COL28A1: variants seen among roughly 807,000 people sequenced by gnomAD.
The protein encoded by COL28A1 is collagen alpha-1(XXVIII) chain.
COL28A1 carries 161 observed loss-of-function variants against 150.2 expected under a neutral mutation model. The ratio of observed to expected loss-of-function variants is 1.07; its 90% CI spans 0.94 to 1.22. COL28A1 has a LOEUF of 1.22. Ranked by LOEUF, COL28A1 falls within the 50% of genes most tolerant of loss-of-function variation. The probability of loss-of-function intolerance (pLI) is 0.00; values close to 1 mark genes in which losing one functional copy is unlikely to be tolerated. For synonymous variants in COL28A1, 552 were observed against 469.7 expected (o/e 1.18, Z -2.26); for missense variants, 1,617 against 1,388.3 (o/e 1.16, Z -2.62).
intron 27 of COL28A1, among the ~76,000 whole-genome samples, chr7:7,403,552 C>G (rs1006613754): frequency 1.3e-5 from 2 of 152,150 alleles, no homozygotes; most frequent in East Asian, 1.9e-4. Context: ...CAATAACAGA[C>G]AGACACTTCC....
intron 15 of COL28A1, among the ~76,000 whole-genome samples, chr7:7,463,949 G>A (rs1787844743): frequency 6.6e-6 from 1 of 152,050 alleles, no homozygotes. Flanking sequence ...TTAAACTTAA[G>A]GTAAGCTGAT....
chr7:7,366,246 T>C (rs1020435069), intron 33 of COL28A1, among the ~76,000 whole-genome samples: 1 of 152,192 alleles, frequency 6.6e-6, no homozygotes, highest in African/African-American at 2.4e-5. Context: ...TAAGATGTCA[T>C]TCATCATGAG....
intron 27 of COL28A1, among the ~76,000 whole-genome samples, chr7:7,414,956 A>T (rs1401854335): frequency 6.6e-6 from 1 of 152,244 alleles, no homozygotes; most frequent in Non-Finnish European, 1.5e-5. Flanking sequence ...CTAAGTTCAC[A>T]TATTTTTACT....
chr7:7,477,493 T>TGGGTTCTTGG (rs1788996433), intron 13 of COL28A1, among the ~76,000 whole-genome samples: 1 of 152,180 alleles, frequency 6.6e-6, no homozygotes, highest in South Asian at 2.1e-4. Flanking sequence ...CTGGAATTGG[T>TGGGTTCTTGG]GGGTTCTTGG....
At chr7:7,441,155 C>A (rs79953189) in intron 20 of COL28A1, among the ~76,000 whole-genome samples, 2,299 of 152,294 alleles carry the variant, frequency 0.015, 32 homozygotes, top group Middle Eastern at 0.031. Context: ...CACCCTTGGT[C>A]TATTAACAGA....
chr7:7,441,599 T>C (rs981550908), intron 20 of COL28A1, among the ~76,000 whole-genome samples: 109 of 151,896 alleles, frequency 7.2e-4, no homozygotes, highest in Middle Eastern at 3.5e-3. Flanking sequence ...TACTATACCA[T>C]GGTTTTTAAA....
intron 3 of COL28A1, among the ~76,000 whole-genome samples, chr7:7,525,728 T>C (rs1374179654): frequency 6.6e-6 from 1 of 152,240 alleles, no homozygotes; most frequent in African/African-American, 2.4e-5. Flanking sequence ...AATGCTTTAA[T>C]GATTTAATAG....
chr7:7,466,485 G>T (rs1190945055), intron 15 of COL28A1, among the ~76,000 whole-genome samples: 1 of 99,272 alleles, frequency 1.0e-5, no homozygotes. Flanking sequence ...TCTGATTGGT[G>T]TACCTGAAAG....
intron 21 of COL28A1, among the ~76,000 whole-genome samples, 156 bp downstream of exon 21, chr7:7,440,634 A>G (rs567709137): frequency 6.6e-6 from 1 of 152,334 alleles, no homozygotes; most frequent in African/African-American, 2.4e-5. Context: ...GTCTGGGAAT[A>G]GTATGTTTTC....
intron 4 of COL28A1, among the ~76,000 whole-genome samples, chr7:7,523,959 C>T (rs956149535): frequency 3.3e-5 from 5 of 152,152 alleles, no homozygotes; most frequent in African/African-American, 1.2e-4. Flanking sequence ...TCAAAGTAAG[C>T]AAAAACTATG....
At chr7:7,507,193 A>G (rs1176498959) in intron 9 of COL28A1, 32 bp from the exon 10 acceptor site, 2 of 922,128 alleles carry the variant, frequency 2.2e-6, no homozygotes, top group Non-Finnish European at 3.6e-6. Flanking sequence ...AAGTCTCTCT[A>G]AATATACATC....
chr7:7,389,521 T>C (rs575645339), intron 27 of COL28A1, among the ~76,000 whole-genome samples: 4 of 152,286 alleles, frequency 2.6e-5, no homozygotes, highest in African/African-American at 9.6e-5. Context: ...TAGATTTTTC[T>C]AAATCTGTGA....
At chr7:7,343,028 A>G in the COL28A1 span, among the ~76,000 whole-genome samples, 1 of 152,064 alleles carries the variant, frequency 6.6e-6, no homozygotes. Context: ...AAAACATGAA[A>G]GATACTCCTT....
chr7:7,474,700 C>T (rs6965546), intron 14 of COL28A1, 31 bp from the exon 15 acceptor site: 116,018 of 933,270 alleles, frequency 0.12, 7,820 homozygotes, highest in Middle Eastern at 0.22. Flanking sequence ...TATCAATGCA[C>T]CAACCAAAAT....
intron 27 of COL28A1, among the ~76,000 whole-genome samples, chr7:7,384,637 GTT>G (rs1782077392): frequency 2.0e-5 from 3 of 152,124 alleles, no homozygotes; most frequent in Non-Finnish European, 4.4e-5. Flanking sequence ...CATATTTAGG[GTT>G]TGGTAGTATC....
intron 9 of COL28A1, among the ~76,000 whole-genome samples, chr7:7,508,159 G>C (rs1780923187): frequency 6.6e-6 from 1 of 151,834 alleles, no homozygotes; most frequent in African/African-American, 2.4e-5. Flanking sequence ...GTGAACCCGG[G>C]AGGCGGAGCT....
the COL28A1 span, among the ~76,000 whole-genome samples, chr7:7,542,271 C>T: frequency 6.6e-6 from 1 of 152,194 alleles, no homozygotes; most frequent in Non-Finnish European, 1.5e-5. Context: ...TTGCTTGAAC[C>T]AGTGCGCTGA....
At chr7:7,364,578 C>T (rs1780836797) in intron 33 of COL28A1, among the ~76,000 whole-genome samples, 1 of 152,176 alleles carries the variant, frequency 6.6e-6, no homozygotes, top group Non-Finnish European at 1.5e-5. Context: ...TCTAACCACC[C>T]CTTTGAGCTA....
At chr7:7,528,699 G>C (rs1782169586) in intron 3 of COL28A1, among the ~76,000 whole-genome samples, 1 of 152,142 alleles carries the variant, frequency 6.6e-6, no homozygotes, top group Non-Finnish European at 1.5e-5. Flanking sequence ...CACTAATCTA[G>C]AGTCACAAAA....
Sources: allele counts gnomAD v4.1 joint callset (sites outside exome capture counted in the v4.1 genomes callset), GRCh38; gene constraint gnomAD v4.1.1; transcripts MANE v1.5; gene names NCBI Gene and HGNC (gene_info 2026-07-23, HGNC 2026-07-21).